SNAPC4: variants seen among roughly 807,000 people sequenced by gnomAD.
SNAPC4 encodes small nuclear RNA activating complex polypeptide 4, also known as snRNA-activating protein complex subunit 4.
In SNAPC4, 127 loss-of-function variants were observed where a neutral mutation model predicts 151.3. That is an observed-to-expected ratio of 0.84 (90% CI 0.73 to 0.97). The LOEUF (loss-of-function observed/expected upper bound fraction) is 0.97, where lower values mean the gene tolerates loss of function less well. SNAPC4 is among the 50% of genes least tolerant of loss of function. The pLI is 0.00. For synonymous variants in SNAPC4, 1,002 were observed against 824.4 expected (o/e 1.22, Z -3.69); for missense variants, 2,186 against 1,935.0 (o/e 1.13, Z -2.43).
In SNAPC4 at chr9:136,398,490, C is replaced by T. The variant is rs1834350420; in HGVS notation, c.-9-53G>A. ...TAGAAACCAAGACCGTGCCGGGATC[C>T]CATTCTCCTTCAGACACACCCGCCC... On this transcript the variant is annotated intron_variant, in intron 1 of 23. Coordinates refer to ENST00000684778, the MANE Select transcript of SNAPC4 (RefSeq NM_003086.4). The T allele has an allele frequency of 1.9e-6, 3 of 1,588,718 alleles. No individual in the cohort carries two copies. The African/African-American group carries it at 4.0e-5, about 21-fold the overall frequency.
rs144593632 is a variant in SNAPC4, at chr9:136,377,715, G to A, written c.4112C>T (p.Ala1371Val). 2.4e-4 allele frequency: 390 copies of A among 1,608,906 alleles called. No individual in the cohort carries two copies. Among genetic ancestry groups the A allele is most frequent in the Non-Finnish European group, 3.1e-4 (360 of 1,177,450 alleles). ...YLLLRARFLA[A>V]FTLPALLATL... ...GGCCAGGAGCGCAGGGAGGGTGAAG[G>A]CTGCCAGGAACCGCGCCCGCAACAG... Residue 1371 changes from alanine to valine, a missense_variant, in exon 22 of 24, where the codon GCC becomes GTC. Physicochemically the swap from Ala to Val is moderately conservative, Grantham distance 64. Coordinates refer to ENST00000684778, the MANE Select transcript of SNAPC4 (RefSeq NM_003086.4).
At position 136,379,351 on chromosome 9, in the gene SNAPC4, G is replaced by A. The variant is rs1251306549; in HGVS notation, c.2528-52C>T. On this transcript the variant is annotated intron_variant, in intron 21 of 23. Coordinates refer to ENST00000684778, the MANE Select transcript of SNAPC4 (RefSeq NM_003086.4). ...ATAAGCCCCAGGCATCTGGCCCAGG[G>A]ACAGCCCCTCGCTGCCATCCCCTCA... 4 of 1,605,564 alleles carry A rather than the reference G, an allele frequency of 2.5e-6. No homozygotes were observed. The Admixed American group carries it at 5.1e-5, about 20-fold the overall frequency.
At position 136,378,393 on chromosome 9, in the gene SNAPC4, T is replaced by G. The variant is rs1252958759; in HGVS notation, c.3434A>C (p.Glu1145Ala). 1 of 1,609,494 alleles carries G rather than the reference T, an allele frequency of 6.2e-7. No individual in the cohort carries two copies. Among genetic ancestry groups the G allele is most frequent in the Admixed American group, 1.7e-5 (1 of 59,906 alleles). ...TGGGGTGTCTGTCCTGCAGGAAGGCTCCGGTTCCCTGTTCATATTGGCTGG... is the reference window on the plus strand; with the variant it reads ...TGGGGTGTCTGTCCTGCAGGAAGGCGCCGGTTCCCTGTTCATATTGGCTGG... Reference protein sequence around the residue: ...QPPANMNREPEPSCRTDTPAP... With the variant: ...QPPANMNREPAPSCRTDTPAP... Residue 1145 changes from glutamate (E) to alanine (A), a missense_variant, in exon 22 of 24, where the codon GAG (glutamate) becomes GCG (alanine). By Grantham distance (107) the Glu-to-Ala change is moderately radical (BLOSUM62 -1). Transcript: ENST00000684778.
intron 2 of SNAPC4, among the ~76,000 whole-genome samples, chr9:136,397,231 C>T (rs888354148): frequency 6.6e-6 from 1 of 152,140 alleles, no homozygotes; most frequent in Non-Finnish European, 1.5e-5. Context: ...AAAACTCTGA[C>T]CACACACTGG....
At chr9:136,392,352 C>T (rs940429886) in intron 9 of SNAPC4, among the ~76,000 whole-genome samples, 170 bp downstream of exon 9, 1 of 152,182 alleles carries the variant, frequency 6.6e-6, no homozygotes, top group African/African-American at 2.4e-5. Context: ...CCTCGTGAGT[C>T]CACTCGCCAT....
chr9:136,392,651 C>T (rs567816313), intron 8 of SNAPC4, 22 bp downstream of exon 8: 1 of 1,612,980 alleles, frequency 6.2e-7, no homozygotes, highest in African/African-American at 1.3e-5. Flanking sequence ...TCCCCTGGGC[C>T]CTCCCGGGAG....
Position 136,379,257 on chromosome 9 carries a change from C to CTCTTTGAGGCTT in SNAPC4, c.2558_2569dup (p.Lys856_Ser857insLysAlaSerLys). On this transcript the variant is annotated inframe_insertion, in exon 22 of 24. Transcript: ENST00000684778. ...TCTTCGGCTCCCTTTGTGGCTGGCA[C>CTCTTTGAGGCTT]TCTTTGAGGCTTCTTGAGCCGGCAC... 1.2e-6 allele frequency: 2 copies of CTCTTTGAGGCTT among 1,612,622 alleles called. No individual in the cohort carries two copies. Among genetic ancestry groups the CTCTTTGAGGCTT allele is most frequent in the Non-Finnish European group, 1.7e-6 (2 of 1,179,966 alleles).
At chr9:136,379,704 G>C in intron 21 of SNAPC4, 133 bp downstream of exon 21, 2 of 855,012 alleles carry the variant, frequency 2.3e-6, no homozygotes, top group Non-Finnish European at 3.8e-6. Context: ...TGGGACTCGA[G>C]GGAGCTCTGT....
At chr9:136,382,121 C>T (rs778158676) in intron 17 of SNAPC4, 48 bp from the exon 18 acceptor site, 7 of 1,560,746 alleles carry the variant, frequency 4.5e-6, no homozygotes, top group East Asian at 2.4e-5. Context: ...GCTCGGCCCC[C>T]GGAGTGGACC....
intron 21 of SNAPC4, 86 bp downstream of exon 21, chr9:136,379,751 G>T: frequency 1.6e-6 from 2 of 1,250,836 alleles, no homozygotes; most frequent in South Asian, 1.2e-5. Flanking sequence ...TGGGGGCTGT[G>T]GGTGAAAGCC....
intron 6 of SNAPC4, 86 bp downstream of exon 6, chr9:136,394,714 A>C (rs1834198155): frequency 8.0e-7 from 1 of 1,242,554 alleles, no homozygotes; most frequent in Admixed American, 1.8e-5. Flanking sequence ...GAGAGGTCTG[A>C]GAACTTGGGG....
chr9:136,392,511 C>T lies in SNAPC4; in HGVS notation c.810+11G>A, dbSNP rs149487437. The stretch of plus-strand genomic sequence containing the variant: ...CAAGCTGCTTGGGGCTCAGACCTGC[C>T]CCTGACTTACGTTAATATTGGAAAT... On this transcript the variant is annotated intron_variant, in intron 9 of 23. Coordinates refer to ENST00000684778, the MANE Select transcript of SNAPC4 (RefSeq NM_003086.4). The T allele has an allele frequency of 8.8e-4, 1,418 of 1,613,334 alleles. 15 individuals carry two copies. In the African/African-American group the frequency reaches 0.017, roughly 19 times the overall value.
chr9:136,379,362 G>GCTGCCAT lies in SNAPC4; in HGVS notation c.2528-70_2528-64dup, dbSNP rs1169000970. Reference sequence around the variant, plus strand: ...GCATCTGGCCCAGGGACAGCCCCTCGCTGCCATCCCCTCATCAGGAGGGAC... The same window carrying GCTGCCAT: ...GCATCTGGCCCAGGGACAGCCCCTCGCTGCCATCTGCCATCCCCTCATCAGGAGGGAC... On this transcript the variant is annotated intron_variant, in intron 21 of 23. Transcript: ENST00000684778. The GCTGCCAT allele has an allele frequency of 5.0e-6, 8 of 1,596,662 alleles. No homozygotes were observed. The African/African-American group carries it at 1.1e-4, about 21-fold the overall frequency.
chr9:136,400,079 G>A (rs986027000), intron 1 of SNAPC4, 55 bp downstream of exon 1: 3 of 152,110 alleles, frequency 2.0e-5, no homozygotes, highest in Non-Finnish European at 4.4e-5. Flanking sequence ...TCCACGGGGA[G>A]AGCCCTGAAG....
rs374154600 is a variant in SNAPC4 at position 136,394,791 on chromosome 9, G to T, written c.550+9C>A. Reference sequence around the variant, plus strand: ...TCAGGGGTGCCGCAGGGCCGGCCAGGGCTCTTACATTTGGTCACAAGGAGC... The same window carrying T: ...TCAGGGGTGCCGCAGGGCCGGCCAGTGCTCTTACATTTGGTCACAAGGAGC... On this transcript the variant is annotated intron_variant, in intron 6 of 23. Coordinates refer to ENST00000684778, the MANE Select transcript of SNAPC4 (RefSeq NM_003086.4). The T allele has an allele frequency of 1.3e-5, 21 of 1,613,202 alleles. No homozygotes were observed. The highest frequency in any genetic ancestry group is 1.8e-5 in the Non-Finnish European group (21 of 1,179,588).
intron 1 of SNAPC4, among the ~76,000 whole-genome samples, chr9:136,399,086 G>C (rs1268920739): frequency 6.6e-6 from 1 of 152,244 alleles, no homozygotes; most frequent in Non-Finnish European, 1.5e-5. Context: ...TGTGGTCCAG[G>C]AAGTCTGAAG....
intron 13 of SNAPC4, 52 bp downstream of exon 13, chr9:136,387,433 C>G (rs1266856951): frequency 1.5e-6 from 2 of 1,305,358 alleles, no homozygotes; most frequent in African/African-American, 1.5e-5. Context: ...CAGAGTGCAC[C>G]TGGTCAGTGA....
intron 23 of SNAPC4, 63 bp downstream of exon 23, chr9:136,376,286 G>T: frequency 6.3e-7 from 1 of 1,580,934 alleles, no homozygotes; most frequent in Non-Finnish European, 8.6e-7. Context: ...AAGGCCCCCT[G>T]CCATCTGGAC....
intron 6 of SNAPC4, 62 bp downstream of exon 6, chr9:136,394,738 A>C: frequency 7.0e-7 from 1 of 1,436,148 alleles, no homozygotes. Context: ...AACTGGGGAA[A>C]GGAGGGCCAT....
Sources: gnomAD v4.1 joint callset for allele counts (sites outside exome capture counted in the v4.1 genomes callset) on GRCh38, gnomAD v4.1.1 for gene constraint, MANE v1.5 for transcripts, NCBI Gene and HGNC (gene_info 2026-07-23, HGNC 2026-07-21) for gene names.